SCHIP1: variants seen among roughly 807,000 people sequenced by gnomAD.
The protein encoded by SCHIP1 is schwannomin interacting protein 1.
In SCHIP1, 8 loss-of-function variants were observed where a neutral mutation model predicts 29.7. That is an observed-to-expected ratio of 0.27 (90% CI 0.16 to 0.49). The LOEUF (loss-of-function observed/expected upper bound fraction) is 0.49. Ranked by LOEUF, SCHIP1 falls within the 20% of genes least tolerant of loss-of-function variation. SCHIP1 has a pLI of 0.99. For synonymous variants in SCHIP1, 76 were observed against 94.9 expected (o/e 0.80, Z 1.16); for missense variants, 193 against 294.6 (o/e 0.66, Z 2.52).
the SCHIP1 span, among the ~76,000 whole-genome samples, chr3:159,656,677 CA>C: frequency 6.6e-6 from 1 of 152,138 alleles, no homozygotes; most frequent in Non-Finnish European, 1.5e-5. Flanking sequence ...AAAATTAAGT[CA>C]TAGGAATAAA....
chr3:159,331,478 T>C, the SCHIP1 span, among the ~76,000 whole-genome samples: 4 of 151,878 alleles, frequency 2.6e-5, no homozygotes, highest in Admixed American at 6.6e-5. Context: ...TGTCTGAGAG[T>C]GACACTTCCA....
the SCHIP1 span, among the ~76,000 whole-genome samples, chr3:159,680,897 T>G: frequency 6.7e-6 from 1 of 150,086 alleles, no homozygotes; most frequent in South Asian, 2.1e-4. Context: ...ATATAAATTT[T>G]TAAACTTTTA....
chr3:159,646,477 C>G, the SCHIP1 span, among the ~76,000 whole-genome samples: 1 of 152,140 alleles, frequency 6.6e-6, no homozygotes, highest in Non-Finnish European at 1.5e-5. Context: ...TCTCACCCTC[C>G]TTCCTTCATC....
chr3:159,853,225 C>T (rs1176634241), intron 1 of SCHIP1: 2 of 489,872 alleles, frequency 4.1e-6, no homozygotes, highest in African/African-American at 4.0e-5. Flanking sequence ...GTCTGTGGGA[C>T]AGAGTGGGGC....
the SCHIP1 span, among the ~76,000 whole-genome samples, chr3:159,539,616 T>A: frequency 7.4e-6 from 1 of 135,552 alleles, no homozygotes; most frequent in Non-Finnish European, 1.7e-5. Flanking sequence ...TCCTCGTGTA[T>A]CTGTGGAATA....
chr3:159,429,438 C>T, the SCHIP1 span, among the ~76,000 whole-genome samples: 1 of 152,110 alleles, frequency 6.6e-6, no homozygotes, highest in Non-Finnish European at 1.5e-5. Context: ...AAAATCAAAG[C>T]ATCTAAGTGA....
At chr3:159,626,209 T>C in the SCHIP1 span, among the ~76,000 whole-genome samples, 1 of 123,820 alleles carries the variant, frequency 8.1e-6, no homozygotes, top group Non-Finnish European at 1.5e-5. Context: ...GATAGATAGA[T>C]ATATCTAGAT....
At chr3:159,804,499 A>G in the SCHIP1 span, among the ~76,000 whole-genome samples, 1 of 152,240 alleles carries the variant, frequency 6.6e-6, no homozygotes, top group Non-Finnish European at 1.5e-5. Context: ...TGTCTTCCTC[A>G]GTTTTTCTTC....
chr3:159,527,944 C>T, the SCHIP1 span, among the ~76,000 whole-genome samples: 1 of 151,992 alleles, frequency 6.6e-6, no homozygotes, highest in Non-Finnish European at 1.5e-5. Context: ...TTAGTGTGGC[C>T]AAAAAGTGAT....
chr3:159,341,114 AT>A, the SCHIP1 span, among the ~76,000 whole-genome samples: 2 of 151,850 alleles, frequency 1.3e-5, no homozygotes, highest in African/African-American at 2.4e-5. Context: ...AGCTGGCATG[AT>A]TTTGAGTCCC....
the SCHIP1 span, among the ~76,000 whole-genome samples, chr3:159,300,226 A>T: frequency 6.7e-6 from 1 of 149,544 alleles, no homozygotes; most frequent in Non-Finnish European, 1.5e-5. Context: ...CCTGGACTCA[A>T]GGAATCCTCC....
the SCHIP1 span, among the ~76,000 whole-genome samples, chr3:159,580,876 C>T: frequency 4.6e-5 from 7 of 152,280 alleles, no homozygotes; most frequent in African/African-American, 1.4e-4. Flanking sequence ...GCCAGGGTTC[C>T]TTCCCATGCA....
chr3:159,491,460 C>T, the SCHIP1 span, among the ~76,000 whole-genome samples: 2 of 152,236 alleles, frequency 1.3e-5, no homozygotes, highest in Non-Finnish European at 2.9e-5. Flanking sequence ...AGATTATATC[C>T]AGCACCTGGC....
chr3:159,392,714 G>T, the SCHIP1 span, among the ~76,000 whole-genome samples: 31 of 151,684 alleles, frequency 2.0e-4, no homozygotes, highest in Admixed American at 1.9e-3. Context: ...GTCTATCATT[G>T]TTGGACATTT....
At chr3:159,655,383 A>G in the SCHIP1 span, among the ~76,000 whole-genome samples, 1 of 151,908 alleles carries the variant, frequency 6.6e-6, no homozygotes, top group Non-Finnish European at 1.5e-5. Context: ...AGTAGTAGTG[A>G]TGATGATGAT....
At chr3:159,648,039 G>T in the SCHIP1 span, among the ~76,000 whole-genome samples, 73 of 152,186 alleles carry the variant, frequency 4.8e-4, no homozygotes, top group African/African-American at 1.8e-3. Flanking sequence ...CATGGCCCAG[G>T]TTTTTTTCAG....
At chr3:159,279,728 G>A in the SCHIP1 span, among the ~76,000 whole-genome samples, 5 of 151,958 alleles carry the variant, frequency 3.3e-5, no homozygotes, top group Admixed American at 1.3e-4. Flanking sequence ...AATTTAAGCT[G>A]AAAAATAATT....
the SCHIP1 span, among the ~76,000 whole-genome samples, chr3:159,617,953 G>T: frequency 1.3e-5 from 2 of 151,914 alleles, no homozygotes; most frequent in Admixed American, 6.6e-5. Flanking sequence ...ATAATCCAGG[G>T]TGTGAACAGG....
the SCHIP1 span, among the ~76,000 whole-genome samples, chr3:159,670,619 CAATT>C: frequency 1.3e-5 from 2 of 152,028 alleles, no homozygotes; most frequent in Non-Finnish European, 2.9e-5. Flanking sequence ...TCTATATGGA[CAATT>C]AATGTGTTTA....
Sources: gnomAD v4.1 joint callset for allele counts (sites outside exome capture counted in the v4.1 genomes callset) on GRCh38, gnomAD v4.1.1 for gene constraint, MANE v1.5 for transcripts, NCBI Gene and HGNC (gene_info 2026-07-23, HGNC 2026-07-21) for gene names.